Variants in RFTN2 observed in about 807,000 individuals in gnomAD.
The protein encoded by RFTN2 is raftlin-2.
RFTN2 carries 34 observed loss-of-function variants against 52.7 expected under a neutral mutation model. That is an observed-to-expected ratio of 0.64 (90% confidence interval 0.49 to 0.86). The LOEUF (loss-of-function observed/expected upper bound fraction) is 0.86. RFTN2 is among the 40% of genes least tolerant of loss of function. RFTN2 has a pLI of 0.00. For synonymous variants in RFTN2, 203 were observed against 217.7 expected, an observed-to-expected ratio of 0.93 and a Z score of 0.59; for missense variants, 536 against 600.1, an observed-to-expected ratio of 0.89 and a Z score of 1.12.
rs531800538 is a variant in RFTN2 at position 197,588,908 on chromosome 2, TA to T, written c.1233+7082del. Reference sequence around the variant, plus strand: ...TCCGTGCTGCTCTCATCATAGTGAATAAATCTCATGAGATCTGATGGTTTTA... The same window carrying T: ...TCCGTGCTGCTCTCATCATAGTGAATAATCTCATGAGATCTGATGGTTTTA... On this transcript the variant is annotated intron_variant, in intron 8 of 8. Coordinates refer to ENST00000295049, the MANE Select transcript of RFTN2 (RefSeq NM_144629.3). 2.3e-3 allele frequency among the ~76,000 whole-genome samples: 347 copies of T among 152,124 alleles called. 1 individual carries two copies. The highest frequency in any genetic ancestry group is 8.0e-3 in the African/African-American group (330 of 41,506).
chr2:197,592,173 T>C (rs944289207), intron 8 of RFTN2, among the ~76,000 whole-genome samples: 3 of 152,156 alleles, frequency 2.0e-5, no homozygotes, highest in Non-Finnish European at 4.4e-5. Context: ...AGTCTTGATA[T>C]TAGTCTTAGT....
intron 5 of RFTN2, among the ~76,000 whole-genome samples, chr2:197,627,911 T>C (rs2106227669): frequency 8.3e-6 from 1 of 120,978 alleles, no homozygotes; most frequent in East Asian, 2.8e-4. Context: ...AAGGAGGTAT[T>C]TTATTCAGCG....
Position 197,668,497 on chromosome 2 carries a change from TG to T in RFTN2, c.139+6822del, listed in dbSNP as rs2089093603. Among the ~76,000 whole-genome samples, 3 of 152,146 alleles carry T rather than the reference TG, an allele frequency of 2.0e-5. No homozygotes were observed. In the South Asian group the frequency reaches 6.2e-4, roughly 32 times the overall value. On this transcript the variant is annotated intron_variant, in intron 1 of 8. Coordinates refer to ENST00000295049, the MANE Select transcript of RFTN2 (RefSeq NM_144629.3). ...GCCTCTGCTGTGATAGCCTATGCCT[TG>T]GTAGCACTTCAGCCCTGGGCGTGGT...
At chr2:197,607,733 A>C (rs2087985459) in intron 7 of RFTN2, among the ~76,000 whole-genome samples, 1 of 152,162 alleles carries the variant, frequency 6.6e-6, no homozygotes, top group Non-Finnish European at 1.5e-5. Context: ...CTTTGCAGCT[A>C]TGTGCTTAGT....
At chr2:197,637,589 C>T (rs1038148318) in intron 3 of RFTN2, among the ~76,000 whole-genome samples, 1 of 151,890 alleles carries the variant, frequency 6.6e-6, no homozygotes, top group Admixed American at 6.6e-5. Flanking sequence ...TGGTGATATC[C>T]CCTTTATCAT....
At chr2:197,620,644 A>G (rs1574714296) in intron 5 of RFTN2, among the ~76,000 whole-genome samples, 2 of 152,368 alleles carry the variant, frequency 1.3e-5, no homozygotes, top group East Asian at 3.9e-4. Flanking sequence ...GAACACCATG[A>G]AGAATTTGCA....
chr2:197,622,811 G>T (rs796394535), intron 5 of RFTN2, among the ~76,000 whole-genome samples: 1 of 152,114 alleles, frequency 6.6e-6, no homozygotes, highest in Non-Finnish European at 1.5e-5. Context: ...GGGCCCTTAA[G>T]AATTATGCTA....
chr2:197,599,139 G>C (rs1014873991), intron 7 of RFTN2, among the ~76,000 whole-genome samples: 6 of 151,886 alleles, frequency 4.0e-5, no homozygotes, highest in Non-Finnish European at 7.4e-5. Context: ...TTTTAGTAGA[G>C]ACAGGGTTTC....
intron 7 of RFTN2, among the ~76,000 whole-genome samples, chr2:197,598,843 T>C (rs1559343977): frequency 1.3e-5 from 2 of 152,206 alleles, no homozygotes; most frequent in African/African-American, 4.8e-5. Flanking sequence ...GCATTCACTG[T>C]TTTCCTTGAA....
At chr2:197,585,869 A>G (rs1355060629) in intron 8 of RFTN2, among the ~76,000 whole-genome samples, 1 of 151,970 alleles carries the variant, frequency 6.6e-6, no homozygotes, top group African/African-American at 2.4e-5. Flanking sequence ...ACTTAAAAAA[A>G]CCTTTCTCCT....
At chr2:197,608,743 A>G (rs1298827404) in intron 7 of RFTN2, among the ~76,000 whole-genome samples, 1 of 148,862 alleles carries the variant, frequency 6.7e-6, no homozygotes, top group Non-Finnish European at 1.5e-5. Context: ...TCAAATCATC[A>G]TTTACATTAG....
At chr2:197,601,627 A>G (rs1205196138) in intron 7 of RFTN2, among the ~76,000 whole-genome samples, 1 of 152,076 alleles carries the variant, frequency 6.6e-6, no homozygotes, top group African/African-American at 2.4e-5. Flanking sequence ...CTACAGGAAG[A>G]TGTGGGTTAG....
Position 197,631,010 on chromosome 2 carries a change from C to T in RFTN2, c.928+1G>A. ...TAAAATATCATTAACATAAAACTTA[C>T]CTTTAGATGTTTCCCAGAATACAAA... On this transcript the variant is annotated splice_donor_variant, in intron 5 of 8. Coordinates refer to ENST00000295049, the MANE Select transcript of RFTN2 (RefSeq NM_144629.3). LOFTEE classifies it high-confidence loss of function. 1 of 1,571,274 alleles carries T rather than the reference C, an allele frequency of 6.4e-7. No individual in the cohort carries two copies. The highest frequency in any genetic ancestry group is 8.7e-7 in the Non-Finnish European group (1 of 1,143,184).
At chr2:197,665,254 A>G (rs1251262479) in intron 1 of RFTN2, among the ~76,000 whole-genome samples, 1 of 152,206 alleles carries the variant, frequency 6.6e-6, no homozygotes, top group African/African-American at 2.4e-5. Flanking sequence ...ATTTTTATGT[A>G]AAACTAAAAC....
At position 197,585,769 on chromosome 2, in the gene RFTN2, C is replaced by T. The variant is rs185447962; in HGVS notation, c.1233+10222G>A. ...TCCTTTAACAGCCCTCACCTTTACCCTCCTGAAGAACTTCTTTACTTTCTA... is the reference window on the plus strand; with the variant it reads ...TCCTTTAACAGCCCTCACCTTTACCTTCCTGAAGAACTTCTTTACTTTCTA... On this transcript the variant is annotated intron_variant, in intron 8 of 8. Coordinates refer to ENST00000295049, the MANE Select transcript of RFTN2 (RefSeq NM_144629.3). Among the ~76,000 whole-genome samples the T allele has an allele frequency of 1.8e-3, 280 of 152,318 alleles. 1 individual carries two copies. Among genetic ancestry groups the T allele is most frequent in the African/African-American group, 6.4e-3 (268 of 41,562 alleles).
chr2:197,581,638 C>T (rs1330056201), intron 8 of RFTN2, among the ~76,000 whole-genome samples: 1 of 152,174 alleles, frequency 6.6e-6, no homozygotes, highest in Non-Finnish European at 1.5e-5. Flanking sequence ...AACATTTATT[C>T]TCCAAGGGAT....
chr2:197,622,357 T>C (rs2088279658), intron 5 of RFTN2, among the ~76,000 whole-genome samples: 2 of 152,164 alleles, frequency 1.3e-5, no homozygotes. Context: ...CAGGCTGGGG[T>C]GCGGTGGCAT....
At chr2:197,622,976 T>A (rs113500766) in intron 5 of RFTN2, among the ~76,000 whole-genome samples, 5 of 152,248 alleles carry the variant, frequency 3.3e-5, no homozygotes, top group Non-Finnish European at 7.3e-5. Context: ...ATTGACAATG[T>A]ACTTGGTCAC....
At chr2:197,641,119 G>A in intron 3 of RFTN2, among the ~76,000 whole-genome samples, 1 of 152,202 alleles carries the variant, frequency 6.6e-6, no homozygotes, top group East Asian at 1.9e-4. Context: ...AATTATGATG[G>A]AGGTTGCAAA....
Sources: gnomAD v4.1 joint callset for allele counts (sites outside exome capture counted in the v4.1 genomes callset) on GRCh38, gnomAD v4.1.1 for gene constraint, MANE v1.5 for transcripts, NCBI Gene and HGNC (gene_info 2026-07-23, HGNC 2026-07-21) for gene names.